Variants in ZSCAN18 observed in about 807,000 individuals in gnomAD.
ZSCAN18 encodes zinc finger and SCAN domain-containing protein 18.
Under a neutral mutation model 31.1 loss-of-function variants are expected in ZSCAN18, and 16 were observed. The ratio of observed to expected loss-of-function variants is 0.51; its 90% confidence interval spans 0.35 to 0.78. The LOEUF (loss-of-function observed/expected upper bound fraction) is 0.78, where lower values mean the gene tolerates loss of function less well. ZSCAN18 is among the 30% of genes least tolerant of loss of function. The probability of loss-of-function intolerance (pLI) is 0.01; values close to 1 mark genes in which losing one functional copy is unlikely to be tolerated. For synonymous variants in ZSCAN18, 375 were observed against 320.7 expected (o/e 1.17, Z -1.81); for missense variants, 731 against 697.4 (o/e 1.05, Z -0.54).
chr19:58,095,231 C>G (rs770804730), intron 1 of ZSCAN18, among the ~76,000 whole-genome samples: 19 of 152,172 alleles, frequency 1.2e-4, no homozygotes, highest in Admixed American at 2.6e-4. Context: ...GTAATTTTGG[C>G]TTTCTTAGGA....
At position 58,087,383 on chromosome 19, in the gene ZSCAN18, A is replaced by G. The variant is rs553110163; in HGVS notation, c.575T>C (p.Leu192Pro). Reference protein sequence around the residue: ...SETPWLSPDPLFLEQRRVREA... With the variant: ...SETPWLSPDPPFLEQRRVREA... Reference sequence around the variant, plus strand: ...TCTGACCCTCCTCTGTTCCAGAAACAGGGGGTCCGGAGAAAGCCAGGCTGG... The same window carrying G: ...TCTGACCCTCCTCTGTTCCAGAAACGGGGGGTCCGGAGAAAGCCAGGCTGG... The change falls in exon 4 of 7, where the codon CTG (leucine) becomes CCG (proline). Residue 192 changes from leucine (L) to proline (P), a missense_variant. Physicochemically the swap from Leu to Pro is moderately conservative, Grantham distance 98 (BLOSUM62 -3). Around this residue, in one of 4 missense-constraint regions of ZSCAN18, gnomAD observed 597 missense variants for 499.5 expected, o/e 1.20. Coordinates refer to ENST00000601144, the MANE Select transcript of ZSCAN18 (RefSeq NM_001145543.2). 6.9e-6 allele frequency: 11 copies of G among 1,603,082 alleles called. No homozygotes were observed. The highest frequency in any genetic ancestry group is 5.1e-5 in the Admixed American group (3 of 58,670).
At chr19:58,114,556 T>C (rs1003256286) in intron 1 of ZSCAN18, among the ~76,000 whole-genome samples, 20 of 152,108 alleles carry the variant, frequency 1.3e-4, no homozygotes, top group African/African-American at 4.8e-5. Context: ...GTACATTATA[T>C]AAATATATAC....
upstream of ZSCAN18, among the ~76,000 whole-genome samples, chr19:58,102,572 T>G (rs573686479): frequency 1.6e-3 from 240 of 152,302 alleles, no homozygotes; most frequent in Non-Finnish European, 3.0e-3. Flanking sequence ...CAATTATGGC[T>G]GACACAGGCT....
intron 1 of ZSCAN18, among the ~76,000 whole-genome samples, chr19:58,091,281 A>G (rs973168424): frequency 6.6e-6 from 1 of 151,842 alleles, no homozygotes; most frequent in Non-Finnish European, 1.5e-5. Flanking sequence ...AAAAAAAAAA[A>G]AAGATAGATT....
At chr19:58,099,546 T>C (rs1236063470), upstream of ZSCAN18, among the ~76,000 whole-genome samples, 4 of 152,238 alleles carry the variant, frequency 2.6e-5, no homozygotes, top group Non-Finnish European at 4.4e-5. Context: ...AAAGCTGCTA[T>C]GAACATTCGT....
At chr19:58,108,743 G>A (rs1275008207) in intron 1 of ZSCAN18, 7 of 985,440 alleles carry the variant, frequency 7.1e-6, no homozygotes, top group Non-Finnish European at 8.4e-6. Context: ...ACCTCCTCGT[G>A]TCCTTCTCCT....
chr19:58,113,197 TC>T (rs1167041489), intron 1 of ZSCAN18, among the ~76,000 whole-genome samples: 1 of 151,242 alleles, frequency 6.6e-6, no homozygotes, highest in Non-Finnish European at 1.5e-5. Context: ...GCACCTGTAG[TC>T]CCAGCTACTC....
At chr19:58,101,225 C>T (rs570859684), upstream of ZSCAN18, among the ~76,000 whole-genome samples, 32 of 151,520 alleles carry the variant, frequency 2.1e-4, no homozygotes, top group Non-Finnish European at 3.8e-4. Flanking sequence ...CTCCACCTCC[C>T]GGGTTCACGC....
upstream of ZSCAN18, among the ~76,000 whole-genome samples, chr19:58,102,417 C>T (rs899328160): frequency 3.9e-5 from 6 of 152,228 alleles, no homozygotes; most frequent in Admixed American, 3.3e-4. Flanking sequence ...GCCAAGATCA[C>T]GCAACTGCAC....
chr19:58,091,007 C>T (rs990790920), intron 1 of ZSCAN18, among the ~76,000 whole-genome samples: 4 of 151,828 alleles, frequency 2.6e-5, no homozygotes, highest in Non-Finnish European at 5.9e-5. Flanking sequence ...CGGTGGCTCA[C>T]GCCCATAATC....
chr19:58,098,366 G>C (rs1048387732), upstream of ZSCAN18: 1 of 985,532 alleles, frequency 1.0e-6, no homozygotes, highest in Non-Finnish European at 1.2e-6. Context: ...TCAGACGCGA[G>C]TGTGGCCTCC....
chr19:58,091,911 T>G (rs2074419566), intron 1 of ZSCAN18, among the ~76,000 whole-genome samples: 1 of 151,902 alleles, frequency 6.6e-6, no homozygotes, highest in Non-Finnish European at 1.5e-5. Context: ...AACCATAGAG[T>G]AAACCACACC....
intron 1 of ZSCAN18, among the ~76,000 whole-genome samples, chr19:58,115,241 A>C (rs2074720574): frequency 6.6e-6 from 1 of 152,222 alleles, no homozygotes; most frequent in Non-Finnish European, 1.5e-5. Flanking sequence ...TTTGTGAGCT[A>C]AATATTGTTT....
In ZSCAN18 at chr19:58,085,331, G is replaced by A. The variant is rs143336953; in HGVS notation, c.887C>T (p.Ala296Val). Residue 296 changes from alanine (A) to valine (V), a missense_variant, in exon 7 of 7, where the codon GCC becomes GTC. Transcript: ENST00000601144. ...CAGCTCAGGCAGCACCCCCGCGGGGGCGGCCTCCTCGCAGGCGCACCCAGC... is the reference window on the plus strand; with the variant it reads ...CAGCTCAGGCAGCACCCCCGCGGGGACGGCCTCCTCGCAGGCGCACCCAGC... ...ESAGCACEEAAPAGVLPELPT... is the reference protein window; with the variant it reads ...ESAGCACEEAVPAGVLPELPT... 1 of 1,594,820 alleles carries A rather than the reference G, an allele frequency of 6.3e-7. No individual in the cohort carries two copies. Among genetic ancestry groups the A allele is most frequent in the African/African-American group, 1.3e-5 (1 of 74,844 alleles).
Position 58,084,079 on chromosome 19 carries a change from T to A in ZSCAN18, c.*606A>T, listed in dbSNP as rs1055234077. 5 of 152,274 alleles carry A rather than the reference T, an allele frequency of 3.3e-5. No individual in the cohort carries two copies. Among genetic ancestry groups the A allele is most frequent in the African/African-American group, 1.2e-4 (5 of 41,474 alleles). The allele number at this position is 152,274 out of a possible 1,614,324, so 9.4% of individuals were successfully genotyped here. On this transcript the variant is annotated 3_prime_UTR_variant, in exon 7 of 7. Coordinates refer to ENST00000601144, the MANE Select transcript of ZSCAN18 (RefSeq NM_001145543.2). The surrounding 1 kb of genome is among the most constrained non-coding windows in gnomAD (Gnocchi z 4.5). ...ATGCTGGTGACCACTTGCTAATTGA[T>A]TTCCCATTTTACTAAATGGGCTGGG...
Position 58,085,219 on chromosome 19 carries a change from C to T in ZSCAN18, c.999G>A (p.Pro333=), listed in dbSNP as rs528305014. ...CCGCGTCCTGGGGGTCCTGCGGGTCCGGGGCCTTCCCAGGCTGCTCTTCCT... is the reference window on the plus strand; with the variant it reads ...CCGCGTCCTGGGGGTCCTGCGGGTCTGGGGCCTTCCCAGGCTGCTCTTCCT... ...EEEEEQPGKA[P]DPQDPQDAES... is the part of the protein sequence containing the mutation. Residue 333 remains proline (P), a synonymous_variant, in exon 7 of 7, where the codon CCG becomes CCA. Transcript: ENST00000601144. The T allele has an allele frequency of 9.3e-6, 15 of 1,608,452 alleles. No homozygotes were observed. Among genetic ancestry groups the T allele is most frequent in the Middle Eastern group, 1.7e-4 (1 of 6,050 alleles).
intron 1 of ZSCAN18, among the ~76,000 whole-genome samples, chr19:58,116,568 T>C (rs181076722): frequency 1.3e-5 from 2 of 152,148 alleles, no homozygotes; most frequent in Admixed American, 1.3e-4. Context: ...CGTCCCAATC[T>C]CTATCCACTG....
intron 1 of ZSCAN18, among the ~76,000 whole-genome samples, chr19:58,104,702 CAATAAAATAAAATAA>C (rs369292414): frequency 1.5e-4 from 21 of 139,886 alleles, no homozygotes; most frequent in Admixed American, 2.9e-4. Flanking sequence ...GACTCCATCT[CAATAAAATAAAATAA>C]AATAAAATAA....
chr19:58,097,488 C>G (rs2074541354), intron 1 of ZSCAN18, among the ~76,000 whole-genome samples: 1 of 151,966 alleles, frequency 6.6e-6, no homozygotes, highest in Non-Finnish European at 1.5e-5. Context: ...CTAACTCAAA[C>G]AGAACCCACC....
Sources: gnomAD v4.1 joint callset for allele counts (sites outside exome capture counted in the v4.1 genomes callset) on GRCh38, gnomAD v4.1.1 for gene constraint, gnomAD v4.1.1 regional missense constraint, Gnocchi (gnomAD v3.1) non-coding constraint, MANE v1.5 for transcripts, NCBI Gene and HGNC (gene_info 2026-07-23, HGNC 2026-07-21) for gene names.